Variants in NCKAP1 observed in about 807,000 individuals in gnomAD.
NCKAP1 encodes the protein nck-associated protein 1.
Under a neutral mutation model 151.2 loss-of-function variants are expected in NCKAP1, and 21 were observed. The ratio of observed to expected loss-of-function variants is 0.14; its 90% confidence interval spans 0.10 to 0.20. The LOEUF (loss-of-function observed/expected upper bound fraction) is 0.20. Ranked by LOEUF, NCKAP1 falls within the 10% of genes least tolerant of loss-of-function variation. NCKAP1 has a pLI of 1.00. For missense variants in NCKAP1, 933 were observed against 1,352.1 expected, an observed-to-expected ratio of 0.69 and a Z score of 4.86; for synonymous variants, 484 against 451.8, an observed-to-expected ratio of 1.07 and a Z score of -0.90.
chr2:182,958,316 A>G (rs1697366757), intron 18 of NCKAP1, among the ~76,000 whole-genome samples: 1 of 151,972 alleles, frequency 6.6e-6, no homozygotes, highest in African/African-American at 2.4e-5. Context: ...TTTTATTTGT[A>G]TATTTTTAGT....
chr2:182,974,175 G>A (rs899528808), intron 15 of NCKAP1, among the ~76,000 whole-genome samples: 13 of 135,410 alleles, frequency 9.6e-5, no homozygotes, highest in Admixed American at 5.0e-4. Flanking sequence ...TTGCACTTTT[G>A]TTCTCTACTT....
chr2:183,034,255 T>G (rs1699059563), intron 1 of NCKAP1, among the ~76,000 whole-genome samples: 1 of 152,098 alleles, frequency 6.6e-6, no homozygotes, highest in Non-Finnish European at 1.5e-5. Context: ...GAAAATAAAT[T>G]TATCCAAAAT....
rs1168645425 is a variant in NCKAP1, at chr2:182,916,160, G to A, written c.*9542C>T. The A allele has an allele frequency of 1.6e-4, 14 of 85,726 alleles. No individual in the cohort carries two copies. The highest frequency in any genetic ancestry group is 4.7e-4 in the African/African-American group (11 of 23,424). 5.3% of individuals were successfully genotyped at this position (85,726 alleles called of 1,614,324 possible). On this transcript the variant is annotated 3_prime_UTR_variant, in exon 31 of 31. Coordinates refer to ENST00000361354, the MANE Select transcript of NCKAP1 (RefSeq NM_013436.5). ...GTAAGAAGTACCTTGCTTCCCCTTC[G>A]CCTTCTGTCAAAAAAAAAAAAAAAA... is the stretch of plus-strand genomic sequence containing the variant.
intron 9 of NCKAP1, among the ~76,000 whole-genome samples, chr2:182,987,565 C>T (rs1698082257): frequency 6.6e-6 from 1 of 152,248 alleles, no homozygotes; most frequent in Middle Eastern, 3.4e-3. Context: ...ATTAAATTTA[C>T]TTGCACCATA....
At position 182,925,802 on chromosome 2, in the gene NCKAP1, G is replaced by T; in HGVS notation, c.3287C>A (p.Pro1096Gln). The change falls in exon 31 of 31, where the codon CCA becomes CAA. Residue 1096 changes from proline (P) to glutamine (Q), a missense_variant. Transcript: ENST00000361354. ...LLLDMIVQES[P>Q]FLTMDLLESC... Reference sequence around the variant, plus strand: ...TTCCAAAAGATCCATTGTAAGGAATGGAGATTCTTGTACAATCTGTAAAAT... The same window carrying T: ...TTCCAAAAGATCCATTGTAAGGAATTGAGATTCTTGTACAATCTGTAAAAT... 1 of 1,565,988 alleles carries T rather than the reference G, an allele frequency of 6.4e-7. No homozygotes were observed. The highest frequency in any genetic ancestry group is 1.9e-5 in the Admixed American group (1 of 52,982).
chr2:183,003,449 A>G, intron 2 of NCKAP1, 124 bp from the exon 3 acceptor site: 2 of 643,144 alleles, frequency 3.1e-6, no homozygotes, highest in Non-Finnish European at 5.3e-6. Context: ...CTAGATGATT[A>G]CGGCTTTTTA....
chr2:182,988,604 A>C (rs555252678), intron 9 of NCKAP1, among the ~76,000 whole-genome samples: 2 of 152,206 alleles, frequency 1.3e-5, no homozygotes, highest in South Asian at 4.1e-4. Flanking sequence ...ATGCAGTGAT[A>C]TGAATTCTGT....
At chr2:182,926,997 A>C in intron 29 of NCKAP1, 92 bp from the exon 30 acceptor site, 2 of 795,438 alleles carry the variant, frequency 2.5e-6, no homozygotes, top group South Asian at 3.3e-5. Flanking sequence ...AACACATTTC[A>C]ATCATTCAGT....
intron 15 of NCKAP1, among the ~76,000 whole-genome samples, chr2:182,974,760 A>G (rs1162825023): frequency 1.3e-5 from 2 of 152,162 alleles, no homozygotes; most frequent in Non-Finnish European, 2.9e-5. Flanking sequence ...TGTTTAAGCC[A>G]TCTAGTTGGT....
Position 182,953,250 on chromosome 2 carries a change from T to C in NCKAP1, c.2235A>G (p.Ala745=). ...CTATTGACTGGAGTACGGTCATGTA[T>C]GCTCTTACACTTGTTAGAAGTTCTG... ...KPSELLTSVR[A]YMTVLQSIEN... Residue 745 remains alanine (A), a synonymous_variant, in exon 21 of 31, where the codon GCA becomes GCG. Coordinates refer to ENST00000361354, the MANE Select transcript of NCKAP1 (RefSeq NM_013436.5). 3.1e-6 allele frequency: 5 copies of C among 1,613,498 alleles called. No homozygotes were observed. Among genetic ancestry groups the C allele is most frequent in the Non-Finnish European group, 4.2e-6 (5 of 1,179,498 alleles).
chr2:182,966,967 C>CA (rs1302657191), intron 16 of NCKAP1, among the ~76,000 whole-genome samples: 1 of 151,916 alleles, frequency 6.6e-6, no homozygotes, highest in Non-Finnish European at 1.5e-5. Flanking sequence ...TTCAACTCCT[C>CA]AAAAAAATGT....
chr2:182,950,271 T>C (rs1017375366), intron 23 of NCKAP1, among the ~76,000 whole-genome samples: 8 of 152,186 alleles, frequency 5.3e-5, no homozygotes, highest in African/African-American at 1.9e-4. Context: ...CATACCATGA[T>C]ACTGTATCCA....
Position 182,952,352 on chromosome 2 carries a change from A to T in NCKAP1, c.2601+53T>A, listed in dbSNP as rs1011281925. 3 of 1,180,690 alleles carry T rather than the reference A, an allele frequency of 2.5e-6. No individual in the cohort carries two copies. The East Asian group carries it at 7.2e-5, about 29-fold the overall frequency. 73.1% of individuals were successfully genotyped at this position (1,180,690 alleles called of 1,614,324 possible). A position where few individuals can be genotyped will look rare whatever the true frequency, so the allele number is the denominator to read the frequency against. ...TAGGCTTGTTGCTCATATCCCTGAA[A>T]TGTTTTTCAGGAATTAATGTTTAAA... On this transcript the variant is annotated intron_variant, in intron 23 of 30. Coordinates refer to ENST00000361354, the MANE Select transcript of NCKAP1 (RefSeq NM_013436.5).
chr2:182,998,016 G>T (rs1474234201), intron 6 of NCKAP1, among the ~76,000 whole-genome samples: 1 of 152,122 alleles, frequency 6.6e-6, no homozygotes, highest in African/African-American at 2.4e-5. Context: ...ATGCAAGGTT[G>T]GTTCCACATA....
intron 2 of NCKAP1, among the ~76,000 whole-genome samples, chr2:183,011,634 C>T (rs189513395): frequency 1.3e-5 from 2 of 152,306 alleles, no homozygotes; most frequent in East Asian, 3.9e-4. Flanking sequence ...GTTAAATGTA[C>T]ACACTACATT....
At chr2:182,955,806 C>T (rs1010256213) in intron 20 of NCKAP1, among the ~76,000 whole-genome samples, 1 of 152,008 alleles carries the variant, frequency 6.6e-6, no homozygotes, top group African/African-American at 2.4e-5. Flanking sequence ...CTTTCTTTCC[C>T]TCCCACTTTT....
intron 26 of NCKAP1, among the ~76,000 whole-genome samples, chr2:182,933,071 G>C (rs1219715451): frequency 6.6e-6 from 1 of 152,142 alleles, no homozygotes; most frequent in South Asian, 2.1e-4. Flanking sequence ...AACTCCACAG[G>C]AGATAAACAA....
At chr2:182,996,464 C>CT (rs1175564533) in intron 6 of NCKAP1, among the ~76,000 whole-genome samples, 58 of 147,398 alleles carry the variant, frequency 3.9e-4, no homozygotes, top group South Asian at 1.7e-3. Context: ...AAGAGTGATT[C>CT]TTTTTTTTTT....
At chr2:182,965,247 A>G (rs1697543449) in intron 16 of NCKAP1, among the ~76,000 whole-genome samples, 1 of 138,714 alleles carries the variant, frequency 7.2e-6, no homozygotes, top group Non-Finnish European at 1.5e-5. Flanking sequence ...ATAAATTAAA[A>G]AAAGAGAGAA....
Sources: allele counts gnomAD v4.1 joint callset (sites outside exome capture counted in the v4.1 genomes callset), GRCh38; gene constraint gnomAD v4.1.1; transcripts MANE v1.5; gene names NCBI Gene and HGNC (gene_info 2026-07-23, HGNC 2026-07-21).